The following SAFB variants were observed in gnomAD, a reference collection of about 807,000 sequenced individuals.
SAFB encodes scaffold attachment factor B1.
In SAFB, 15 loss-of-function variants were observed where a neutral mutation model predicts 101.6. That is an observed-to-expected ratio of 0.15 (90% CI 0.10 to 0.23). SAFB has a LOEUF of 0.23. SAFB is among the 10% of genes least tolerant of loss of function. The probability of loss-of-function intolerance (pLI) is 1.00; values close to 1 mark genes in which losing one functional copy is unlikely to be tolerated. For missense variants in SAFB, 930 were observed against 1,104.1 expected (o/e 0.84, Z 2.23); for synonymous variants, 449 against 407.5 (o/e 1.10, Z -1.23).
chr19:5,646,074 A>C (rs1282340385), intron 5 of SAFB, among the ~76,000 whole-genome samples: 10 of 152,118 alleles, frequency 6.6e-5, no homozygotes, highest in Non-Finnish European at 4.4e-5. Context: ...CTACATAGAT[A>C]CAAATTGTTA....
At chr19:5,638,104 T>C (rs983817393) in intron 2 of SAFB, among the ~76,000 whole-genome samples, 2 of 152,228 alleles carry the variant, frequency 1.3e-5, no homozygotes, top group African/African-American at 2.4e-5. Context: ...ATATAAATAC[T>C]GCTGTTTGGA....
rs1244642433 is a variant in SAFB, at chr19:5,645,614, C to T, written c.609+215C>T. 2.0e-5 allele frequency among the ~76,000 whole-genome samples: 3 copies of T among 152,228 alleles called. 1 individual carries two copies. The highest frequency in any genetic ancestry group is 4.1e-4 in the South Asian group (2 of 4,838). The stretch of plus-strand genomic sequence containing the variant: ...ACTCTAGGCTTCGACGAGTGGCCTC[C>T]AAGCGCTGTGGCTTACCAGCAGTCA... On this transcript the variant is annotated intron_variant, in intron 5 of 20. Transcript: ENST00000588852.
chr19:5,665,576 C>G (rs2054310142), intron 17 of SAFB: 1 of 151,932 alleles, frequency 6.6e-6, no homozygotes, highest in African/African-American at 2.4e-5. Context: ...CTCAAGTGAT[C>G]CTCCTACCTC....
chr19:5,626,443 A>C lies in SAFB; in HGVS notation c.228A>C (p.Glu76Asp). 1 of 1,611,252 alleles carries C rather than the reference A, an allele frequency of 6.2e-7. No individual in the cohort carries two copies. Among genetic ancestry groups the C allele is most frequent in the Non-Finnish European group, 8.5e-7 (1 of 1,177,400 alleles). ...EDEGGNPDEI[E>D]ITSEGNKKTS... ...AAGGTGGTAATCCTGACGAAATTGA[A>C]ATTACCTCCGAGGGAAACAAGAAAA... Residue 76 changes from glutamate (E) to aspartate (D), a missense_variant, in exon 2 of 21, where the codon GAA becomes GAC. Around this residue, in one of 7 missense-constraint regions of SAFB, gnomAD observed 119 missense variants for 171.4 expected, o/e 0.69. Transcript: ENST00000588852.
chr19:5,654,479 G>T, intron 13 of SAFB, 23 bp downstream of exon 13: 1 of 1,365,586 alleles, frequency 7.3e-7, no homozygotes, highest in East Asian at 2.3e-5. Context: ...TTTCTAACTA[G>T]GGTATTTTGC....
At chr19:5,647,819 A>G (rs748269334) in intron 5 of SAFB, among the ~76,000 whole-genome samples, 197 bp from the exon 6 acceptor site, 16 of 152,178 alleles carry the variant, frequency 1.1e-4, no homozygotes, top group Non-Finnish European at 1.9e-4. Flanking sequence ...GGGAGACTGA[A>G]TGGAGGGTGG....
intron 14 of SAFB, among the ~76,000 whole-genome samples, chr19:5,657,873 T>A (rs2054100065): frequency 6.6e-6 from 1 of 152,018 alleles, no homozygotes; most frequent in Non-Finnish European, 1.5e-5. Context: ...TTGTAGAAGG[T>A]AACAAAGGCA....
intron 2 of SAFB, among the ~76,000 whole-genome samples, chr19:5,632,654 A>C (rs1346261315): frequency 5.3e-5 from 8 of 152,054 alleles, no homozygotes; most frequent in Admixed American, 1.3e-4. Context: ...TTCTATTTGA[A>C]TTGTTTTGGG....
Position 5,645,469 on chromosome 19 carries a change from A to T in SAFB, c.609+70A>T, listed in dbSNP as rs568287196. ...CCACAATTTCTGGAATCCATTTCAG[A>T]CACCATATGCCAGTTCCAGCTAATA... On this transcript the variant is annotated intron_variant, in intron 5 of 20. Transcript: ENST00000588852. The T allele has an allele frequency of 1.5e-5, 11 of 753,142 alleles. No individual in the cohort carries two copies. In the African/African-American group the frequency reaches 1.9e-4, roughly 13 times the overall value. The allele number at this position is 753,142 out of a possible 1,614,324, so 46.7% of individuals were successfully genotyped here.
intron 11 of SAFB, 113 bp from the exon 12 acceptor site, chr19:5,653,948 C>G (rs2053996772): frequency 5.7e-6 from 5 of 879,472 alleles, no homozygotes; most frequent in Admixed American, 2.3e-5. Context: ...ACCATGTTGG[C>G]CAGGCTGGTC....
intron 17 of SAFB, 100 bp from the exon 18 acceptor site, chr19:5,666,946 G>C (rs923626006): frequency 1.2e-6 from 1 of 810,138 alleles, no homozygotes; most frequent in African/African-American, 1.7e-5. Context: ...TCTGTCCCGA[G>C]TGACTGTCGT....
In SAFB at chr19:5,623,116, T is replaced by A; in HGVS notation, c.-90T>A. ...GGCGCGCTGGGGCGACTGGAGCGGT[T>A]CCCTCGCAGGCGGCGCCATTTTGTG... On this transcript the variant is annotated 5_prime_UTR_variant, in exon 1 of 21. Coordinates refer to ENST00000588852, the MANE Select transcript of SAFB (RefSeq NM_001201338.2). The A allele has an allele frequency of 7.5e-7, 1 of 1,328,192 alleles. No homozygotes were observed. Among genetic ancestry groups the A allele is most frequent in the Non-Finnish European group, 1.0e-6 (1 of 960,284 alleles). 82.3% of individuals were successfully genotyped at this position (1,328,192 alleles called of 1,614,324 possible).
Position 5,630,680 on chromosome 19 carries a change from C to T in SAFB, c.274+4191C>T, listed in dbSNP as rs999423893. 5.3e-5 allele frequency among the ~76,000 whole-genome samples: 8 copies of T among 150,216 alleles called. No homozygotes were observed. In the South Asian group the frequency reaches 6.3e-4, roughly 12 times the overall value. On this transcript the variant is annotated intron_variant, in intron 2 of 20. Coordinates refer to ENST00000588852, the MANE Select transcript of SAFB (RefSeq NM_001201338.2). ...CTGAGGCAGGAAAATCGCTTGAACC[C>T]GGGAAGCAGAGGTTGCAGTGAGCCG...
chr19:5,630,131 T>TA (rs1358557070), intron 2 of SAFB, among the ~76,000 whole-genome samples: 3 of 152,320 alleles, frequency 2.0e-5, no homozygotes, highest in Admixed American at 2.0e-4. Flanking sequence ...ACATCAAACT[T>TA]ACCTTGTTTG....
intron 2 of SAFB, among the ~76,000 whole-genome samples, chr19:5,630,815 T>C (rs948710478): frequency 3.3e-5 from 5 of 152,164 alleles, no homozygotes; most frequent in African/African-American, 1.2e-4. Flanking sequence ...TATTTATGGT[T>C]TTATTTTTAC....
At chr19:5,636,279 G>T (rs1030931114) in intron 2 of SAFB, among the ~76,000 whole-genome samples, 2 of 151,990 alleles carry the variant, frequency 1.3e-5, no homozygotes, top group African/African-American at 4.8e-5. Flanking sequence ...CTATTATCTG[G>T]AATAGGATTG....
In SAFB at chr19:5,651,045, G is replaced by A. The variant is rs777904505; in HGVS notation, c.1266G>A (p.Leu422=). ...GLSSTTRATD[L]KNLFSKYGKV... is the part of the protein sequence containing the mutation. ...CTTCTACAACCAGAGCTACAGATTT[G>A]AAGAATCTTTTCAGCAAATATGGGA... Residue 422 remains leucine (L), a synonymous_variant, in exon 9 of 21, where the codon TTG becomes TTA. Transcript: ENST00000588852. 1 of 1,609,080 alleles carries A rather than the reference G, an allele frequency of 6.2e-7. No individual in the cohort carries two copies. Among genetic ancestry groups the A allele is most frequent in the South Asian group, 1.1e-5 (1 of 90,146 alleles).
At position 5,661,602 on chromosome 19, in the gene SAFB, A is replaced by G; in HGVS notation, c.1947A>G (p.Arg649=). ...REERERLEIA[R]ERLAFQRQRL... ...AGCGTGAGCGGCTGGAGATTGCCCGAGAGAGGCTGGCCTTCCAGCGCCAGC... is the reference window on the plus strand; with the variant it reads ...AGCGTGAGCGGCTGGAGATTGCCCGGGAGAGGCTGGCCTTCCAGCGCCAGC... Residue 649 remains arginine, a synonymous_variant, in exon 15 of 21, where the codon CGA becomes CGG. Transcript: ENST00000588852. 1 of 1,612,610 alleles carries G rather than the reference A, an allele frequency of 6.2e-7. No homozygotes were observed.
At chr19:5,627,641 C>G (rs752271084) in intron 2 of SAFB, among the ~76,000 whole-genome samples, 1 of 152,180 alleles carries the variant, frequency 6.6e-6, no homozygotes, top group Non-Finnish European at 1.5e-5. Context: ...ATCCCCCACA[C>G]CCTGTGCTTT....
Sources: gnomAD v4.1 joint callset for allele counts (sites outside exome capture counted in the v4.1 genomes callset) on GRCh38, gnomAD v4.1.1 for gene constraint, gnomAD v4.1.1 regional missense constraint, MANE v1.5 for transcripts, NCBI Gene and HGNC (gene_info 2026-07-23, HGNC 2026-07-21) for gene names.